The following CALCOCO1 variants were observed in gnomAD, a reference collection of about 807,000 sequenced individuals.
CALCOCO1 encodes the protein calcium-binding and coiled-coil domain-containing protein 1.
In CALCOCO1, 44 loss-of-function variants were observed where a neutral mutation model predicts 86.3. That is an observed-to-expected ratio of 0.51 (90% CI 0.40 to 0.66). The LOEUF (loss-of-function observed/expected upper bound fraction) is 0.66, where lower values mean the gene tolerates loss of function less well. CALCOCO1 is among the 30% of genes least tolerant of loss of function. The pLI is 0.00. For synonymous variants in CALCOCO1, 297 were observed against 327.6 expected, an observed-to-expected ratio of 0.91 and a Z score of 1.01; for missense variants, 708 against 851.1, an observed-to-expected ratio of 0.83 and a Z score of 2.09.
In CALCOCO1 at chr12:53,710,857, A is replaced by G. The variant is rs1945532866; in HGVS notation, c.*1087T>C. 5.8e-6 allele frequency: 1 copy of G among 173,664 alleles called. No individual in the cohort carries two copies. The highest frequency in any genetic ancestry group is 1.2e-5 in the Non-Finnish European group (1 of 82,506). 10.8% of individuals were successfully genotyped at this position (173,664 alleles called of 1,614,324 possible). A position where few individuals can be genotyped will look rare whatever the true frequency, so the allele number is the denominator to read the frequency against. ...GCACCCACCCTGGGACTAAACCCTGAGCAGAAGTGACAGGGACCCATGAGT... is the reference window on the plus strand; with the variant it reads ...GCACCCACCCTGGGACTAAACCCTGGGCAGAAGTGACAGGGACCCATGAGT... On this transcript the variant is annotated 3_prime_UTR_variant, in exon 15 of 15. Transcript: ENST00000550804.
intron 6 of CALCOCO1, among the ~76,000 whole-genome samples, chr12:53,720,460 T>C (rs896782120): frequency 6.6e-6 from 1 of 152,264 alleles, no homozygotes; most frequent in Non-Finnish European, 1.5e-5. Context: ...GGTGGCAGGC[T>C]AGATTTGGCT....
intron 14 of CALCOCO1, chr12:53,712,742 T>C (rs1945600325): frequency 1.7e-6 from 2 of 1,210,152 alleles, no homozygotes; most frequent in African/African-American, 1.6e-5. Context: ...CATGGTCACC[T>C]CCCTTCCTCC....
chr12:53,712,955 C>T (rs1945611312), intron 14 of CALCOCO1, 145 bp downstream of exon 14: 2 of 1,265,674 alleles, frequency 1.6e-6, no homozygotes, highest in Non-Finnish European at 2.2e-6. Flanking sequence ...AGTCATTTTC[C>T]TTGTTAACCA....
Position 53,713,817 on chromosome 12 carries a change from C to T in CALCOCO1, c.1675G>A (p.Asp559Asn), listed in dbSNP as rs774453792. The change falls in exon 13 of 15, where the codon GAC (aspartate) becomes AAC (asparagine). Residue 559 changes from aspartate to asparagine, a missense_variant. Transcript: ENST00000550804. ...LPPYGLCERG[D>N]PGSSPAGPRE... ...GGCCCAGCAGGAGAGGAGCCTGGGT[C>T]TCCACGCTCACAAAGGCCATAGGGT... 127 of 1,572,924 alleles carry T rather than the reference C, an allele frequency of 8.1e-5. 1 individual carries two copies. The highest frequency in any genetic ancestry group is 1.0e-4 in the Non-Finnish European group (121 of 1,162,354).
intron 1 of CALCOCO1, among the ~76,000 whole-genome samples, chr12:53,726,953 G>T (rs1050159831): frequency 1.3e-4 from 20 of 152,168 alleles, no homozygotes; most frequent in African/African-American, 4.8e-4. Flanking sequence ...ACATGATGGG[G>T]CGGAGAGCGG....
At chr12:53,722,307 T>TGAGGAAGG in intron 4 of CALCOCO1, 124 bp from the exon 5 acceptor site, 1 of 1,059,212 alleles carries the variant, frequency 9.4e-7, no homozygotes, top group South Asian at 1.4e-5. Flanking sequence ...TATAAAGAGG[T>TGAGGAAGG]GAGGAAGGGG....
Position 53,711,264 on chromosome 12 carries a change from A to AG in CALCOCO1, c.*679dup, listed in dbSNP as rs1244928945. On this transcript the variant is annotated 3_prime_UTR_variant, in exon 15 of 15. Coordinates refer to ENST00000550804, the MANE Select transcript of CALCOCO1 (RefSeq NM_020898.3). The stretch of plus-strand genomic sequence containing the variant: ...ACTTGTTCCCCCCATTCCTCACAGA[A>AG]GGCACAAATACATTATTTCTTTCCA... The AG allele has an allele frequency of 5.0e-6, 2 of 398,852 alleles. No individual in the cohort carries two copies. The highest frequency in any genetic ancestry group is 8.8e-6 in the Non-Finnish European group (2 of 226,038). The allele number at this position is 398,852 out of a possible 1,614,324, so 24.7% of individuals were successfully genotyped here. A position where few individuals can be genotyped will look rare whatever the true frequency, so the allele number is the denominator to read the frequency against.
chr12:53,719,769 T>C lies in CALCOCO1; in HGVS notation c.819A>G (p.Lys273=), dbSNP rs1467359323. 1 of 1,613,942 alleles carries C rather than the reference T, an allele frequency of 6.2e-7. No individual in the cohort carries two copies. Among genetic ancestry groups the C allele is most frequent in the Admixed American group, 1.7e-5 (1 of 60,016 alleles). Residue 273 remains lysine, a synonymous_variant, in exon 7 of 15, where the codon AAA becomes AAG. Transcript: ENST00000550804. ...TTTGCTCCTTGTCTGCTTGTACTTC[T>C]TTCAGTTGCCCAAGGAGCTTCTCTT... is the stretch of plus-strand genomic sequence containing the variant. ...REQEKLLGQL[K]EVQADKEQSE...
intron 2 of CALCOCO1, 159 bp from the exon 3 acceptor site, chr12:53,724,906 G>T: frequency 2.3e-6 from 2 of 854,502 alleles, no homozygotes; most frequent in Non-Finnish European, 3.6e-6. Flanking sequence ...TGTCAGTAAA[G>T]AACAAGGCTA....
rs1945515650 is a variant in CALCOCO1 at position 53,709,773 on chromosome 12, G to A, written c.*2171C>T. The A allele has an allele frequency of 2.0e-5, 3 of 152,430 alleles. No individual in the cohort carries two copies. Among genetic ancestry groups the A allele is most frequent in the Admixed American group, 6.5e-5 (1 of 15,288 alleles). The allele number at this position is 152,430 out of a possible 1,614,324, so 9.4% of individuals were successfully genotyped here. ...CGGCTTGGCAGGGGCTGTGGCATGG[G>A]AGCAGGGGCCTGGGTTCCTGTTTGT... On this transcript the variant is annotated 3_prime_UTR_variant, in exon 15 of 15. Transcript: ENST00000550804.
chr12:53,715,130 A>G, intron 10 of CALCOCO1, 70 bp downstream of exon 10: 1 of 1,561,818 alleles, frequency 6.4e-7, no homozygotes. Context: ...CCCATACCCA[A>G]GACAGAGAGA....
At chr12:53,725,332 C>CG in intron 1 of CALCOCO1, 66 bp from the exon 2 acceptor site, 4 of 1,087,268 alleles carry the variant, frequency 3.7e-6, no homozygotes, top group South Asian at 1.7e-5. Flanking sequence ...ACAGCTCCAG[C>CG]ACCACACACT....
intron 1 of CALCOCO1, among the ~76,000 whole-genome samples, chr12:53,726,913 A>G (rs1176361986): frequency 1.3e-5 from 2 of 152,070 alleles, no homozygotes; most frequent in African/African-American, 4.8e-5. Flanking sequence ...GGCACCTAAG[A>G]TGTAGGTGTG....
In CALCOCO1 at chr12:53,715,875, C is replaced by T. The variant is rs3741659; in HGVS notation, c.1178G>A (p.Arg393Lys). The T allele has an allele frequency of 0.15, 246,120 of 1,614,022 alleles. 20,576 individuals carry two copies. Among genetic ancestry groups the T allele is most frequent in the East Asian group, 0.33 (14,893 of 44,862 alleles). The change falls in exon 9 of 15, where the codon AGG (arginine) becomes AAG (lysine). Residue 393 changes from arginine to lysine, a missense_variant. Arg to Lys is a conservative substitution (Grantham distance 26, BLOSUM62 2). Coordinates refer to ENST00000550804, the MANE Select transcript of CALCOCO1 (RefSeq NM_020898.3). Reference sequence around the variant, plus strand: ...CAAGTGCAAACCGAGCTCAGCCAGCCTGCCGTTAACTTCAGCCACTTCCAG... The same window carrying T: ...CAAGTGCAAACCGAGCTCAGCCAGCTTGCCGTTAACTTCAGCCACTTCCAG... The part of the protein sequence containing the change: ...SRLEVAEVNG[R>K]LAELGLHLKE...
chr12:53,714,932 C>T (rs1038650615), intron 10 of CALCOCO1, among the ~76,000 whole-genome samples: 1 of 152,176 alleles, frequency 6.6e-6, no homozygotes, highest in African/African-American at 2.4e-5. Context: ...TGCATGACTT[C>T]CTCTAGGCTG....
chr12:53,718,807 G>A (rs2120602280), intron 7 of CALCOCO1, among the ~76,000 whole-genome samples: 1 of 150,608 alleles, frequency 6.6e-6, no homozygotes, highest in African/African-American at 2.4e-5. Context: ...TATGATCACA[G>A]GTGTGAGCTA....
intron 10 of CALCOCO1, 78 bp downstream of exon 10, chr12:53,715,122 C>T (rs1945687128): frequency 2.6e-6 from 4 of 1,536,474 alleles, no homozygotes; most frequent in Non-Finnish European, 8.8e-7. Context: ...CTTCTGAGCC[C>T]ATACCCAAGA....
chr12:53,721,792 C>T, intron 5 of CALCOCO1, 177 bp from the exon 6 acceptor site: 1 of 830,102 alleles, frequency 1.2e-6, no homozygotes, highest in Non-Finnish European at 1.9e-6. Context: ...GTGGCCACCT[C>T]CACCTTACCC....
intron 4 of CALCOCO1, chr12:53,722,943 C>CAAAAAA (rs58897806): frequency 4.6e-3 from 881 of 192,958 alleles, no homozygotes; most frequent in East Asian, 0.01. Flanking sequence ...AAGGCTGTCT[C>CAAAAAA]AAAAAAAAAA....
Sources: gnomAD v4.1 joint callset for allele counts (sites outside exome capture counted in the v4.1 genomes callset) on GRCh38, gnomAD v4.1.1 for gene constraint, MANE v1.5 for transcripts, NCBI Gene and HGNC (gene_info 2026-07-23, HGNC 2026-07-21) for gene names.